Variants in NFATC3 observed in about 807,000 individuals in gnomAD.
The protein encoded by NFATC3 is nuclear factor of activated T cells 3.
NFATC3 carries 46 observed loss-of-function variants against 98.6 expected under a neutral mutation model. The ratio of observed to expected loss-of-function variants is 0.47; its 90% CI spans 0.37 to 0.60. The LOEUF is 0.60. Among genes scored for constraint, NFATC3 ranks in the 20% least tolerant of loss-of-function variants. The pLI is 0.00. For synonymous variants in NFATC3, 512 were observed against 472.2 expected (o/e 1.08, Z -1.09); for missense variants, 1,256 against 1,295.5 (o/e 0.97, Z 0.47).
At chr16:68,099,458 G>T (rs2035223875) in intron 1 of NFATC3, among the ~76,000 whole-genome samples, 1 of 151,568 alleles carries the variant, frequency 6.6e-6, no homozygotes, top group African/African-American at 2.4e-5. Flanking sequence ...TATATTAGCC[G>T]GGCATGGTGG....
chr16:68,191,778 A>G lies in NFATC3; in HGVS notation c.3106+3A>G. ...GCAGGACATCACTTTAGATGATGGT[A>G]AGTTCATCTCTGATATGTTCTTGAA... On this transcript the variant is annotated splice_donor_region_variant and intron_variant, in intron 9 of 9. Coordinates refer to ENST00000346183, the MANE Select transcript of NFATC3 (RefSeq NM_173165.3). 1 of 1,614,108 alleles carries G rather than the reference A, an allele frequency of 6.2e-7. No homozygotes were observed. The highest frequency in any genetic ancestry group is 8.5e-7 in the Non-Finnish European group (1 of 1,179,982).
chr16:68,160,693 AT>A (rs60641205), intron 4 of NFATC3, among the ~76,000 whole-genome samples: 6,092 of 147,422 alleles, frequency 0.041, 370 homozygotes, highest in African/African-American at 0.14. Flanking sequence ...CTACTCTTAA[AT>A]TTTTTTTTTT....
chr16:68,122,752 A>T lies in NFATC3; in HGVS notation c.869A>T (p.His290Leu). 1 of 1,614,148 alleles carries T rather than the reference A, an allele frequency of 6.2e-7. No individual in the cohort carries two copies. The highest frequency in any genetic ancestry group is 8.5e-7 in the Non-Finnish European group (1 of 1,180,018). The change falls in exon 2 of 10, where the codon CAT becomes CTT. Residue 290 changes from histidine to leucine, a missense_variant. This residue lies in a region of NFATC3 where 464 missense variants were observed against 465.7 expected (regional missense o/e 1.00). Coordinates refer to ENST00000346183, the MANE Select transcript of NFATC3 (RefSeq NM_173165.3). The part of the protein sequence containing the change: ...EVCYAGSLSP[H>L]HSPVPSPGHS... ...TGTTATGCTGGGTCCCTTTCACCCC[A>T]TCACTCACCTGTTCCTTCACCTGGT... is the stretch of plus-strand genomic sequence containing the variant.
At position 68,122,090 on chromosome 16, in the gene NFATC3, T is replaced by C. The variant is rs1378409613; in HGVS notation, c.207T>C (p.Ser69=). 1.9e-6 allele frequency: 3 copies of C among 1,614,120 alleles called. No homozygotes were observed. Among genetic ancestry groups the C allele is most frequent in the South Asian group, 1.1e-5 (1 of 91,082 alleles). ...PLCLPHHGLP[S]HSSVLSPSFQ... ...GCTTACCACATCATGGATTACCGTCTCACTCTTCTGTTTTGTCACCATCGT... is the reference window on the plus strand; with the variant it reads ...GCTTACCACATCATGGATTACCGTCCCACTCTTCTGTTTTGTCACCATCGT... The change falls in exon 2 of 10, where the codon TCT becomes TCC. Residue 69 remains serine (S), a synonymous_variant. Transcript: ENST00000346183.
chr16:68,123,901 C>A (rs942781369), intron 2 of NFATC3, among the ~76,000 whole-genome samples: 4 of 151,736 alleles, frequency 2.6e-5, no homozygotes, highest in Non-Finnish European at 5.9e-5. Flanking sequence ...GGGAGCATTG[C>A]CTGAGATGGG....
At chr16:68,186,018 A>G (rs974348955) in intron 8 of NFATC3, among the ~76,000 whole-genome samples, 1 of 152,200 alleles carries the variant, frequency 6.6e-6, no homozygotes, top group Non-Finnish European at 1.5e-5. Flanking sequence ...ATTGGGTTGC[A>G]CTGTAACTCA....
At chr16:68,108,257 G>A (rs2035768682) in intron 1 of NFATC3, among the ~76,000 whole-genome samples, 1 of 152,100 alleles carries the variant, frequency 6.6e-6, no homozygotes, top group Non-Finnish European at 1.5e-5. Context: ...TTTTGTATAA[G>A]GTGTAAGGAA....
At chr16:68,146,917 A>G (rs2038066965) in intron 3 of NFATC3, among the ~76,000 whole-genome samples, 1 of 152,260 alleles carries the variant, frequency 6.6e-6, no homozygotes, top group Non-Finnish European at 1.5e-5. Context: ...TTTATTGCCT[A>G]CAACATAAAT....
At chr16:68,134,893 C>A (rs554281433) in intron 3 of NFATC3, among the ~76,000 whole-genome samples, 1 of 152,184 alleles carries the variant, frequency 6.6e-6, no homozygotes, top group East Asian at 1.9e-4. Context: ...CAGTGTCTGC[C>A]ACTTGCATGT....
chr16:68,103,582 T>A (rs2035484549), intron 1 of NFATC3, among the ~76,000 whole-genome samples: 1 of 152,240 alleles, frequency 6.6e-6, no homozygotes, highest in Non-Finnish European at 1.5e-5. Flanking sequence ...TGAGTTCTTT[T>A]GTTGCTTGTG....
At chr16:68,190,458 G>A (rs2040387661) in intron 8 of NFATC3, among the ~76,000 whole-genome samples, 1 of 152,150 alleles carries the variant, frequency 6.6e-6, no homozygotes, top group Non-Finnish European at 1.5e-5. Flanking sequence ...AAAGTATATA[G>A]TAAAAAGTAA....
intron 3 of NFATC3, among the ~76,000 whole-genome samples, chr16:68,150,347 C>T (rs118143176): frequency 0.038 from 5,656 of 148,162 alleles, 117 homozygotes; most frequent in Middle Eastern, 0.15. Context: ...AAGGCCAAGG[C>T]AGGAGGATCA....
intron 1 of NFATC3, among the ~76,000 whole-genome samples, chr16:68,109,160 A>G (rs2035816657): frequency 6.6e-6 from 1 of 152,164 alleles, no homozygotes; most frequent in Non-Finnish European, 1.5e-5. Flanking sequence ...TCAATATTCA[A>G]GGGGAACACT....
At position 68,169,762 on chromosome 16, in the gene NFATC3, G is replaced by A. The variant is rs183698032; in HGVS notation, c.1774+2747G>A. 6.4e-3 allele frequency among the ~76,000 whole-genome samples: 968 copies of A among 152,070 alleles called. 11 individuals are homozygous for A. Among genetic ancestry groups the A allele is most frequent in the African/African-American group, 0.022 (913 of 41,496 alleles). ...TTGAGACCAGCCTGGCCAACATGGT[G>A]AAACCCTGTCTCTGCGAAAAATACA... On this transcript the variant is annotated intron_variant, in intron 5 of 9. Transcript: ENST00000346183.
At chr16:68,175,389 A>C (rs2039644047) in intron 6 of NFATC3, among the ~76,000 whole-genome samples, 1 of 152,222 alleles carries the variant, frequency 6.6e-6, no homozygotes. Context: ...CCCTCTGAGT[A>C]GTATACTTTA....
chr16:68,226,179 GC>G, intron 9 of NFATC3, 170 bp from the exon 10 acceptor site: 1 of 672,566 alleles, frequency 1.5e-6, no homozygotes, highest in Non-Finnish European at 2.3e-6. Context: ...AGTTTGTGGA[GC>G]GATGTTTCCA....
intron 9 of NFATC3, chr16:68,192,330 TATAGAGAG>T (rs1434646097): frequency 1.4e-5 from 2 of 141,382 alleles, no homozygotes; most frequent in Admixed American, 7.2e-5. Flanking sequence ...TATATATATA[TATAGAGAG>T]AGAGAGAGAG....
At chr16:68,118,457 C>T (rs1369458883) in intron 1 of NFATC3, among the ~76,000 whole-genome samples, 2 of 152,094 alleles carry the variant, frequency 1.3e-5, no homozygotes, top group Non-Finnish European at 2.9e-5. Flanking sequence ...TGAATGAGCA[C>T]CTTCTTCACT....
intron 5 of NFATC3, among the ~76,000 whole-genome samples, chr16:68,170,529 G>A (rs1394393919): frequency 2.1e-5 from 3 of 140,122 alleles, no homozygotes; most frequent in Non-Finnish European, 4.5e-5. Flanking sequence ...GTCTCCCTGT[G>A]TGGTCCAGGC....
Sources: allele counts gnomAD v4.1 joint callset (sites outside exome capture counted in the v4.1 genomes callset), GRCh38; gene constraint gnomAD v4.1.1; regional missense constraint gnomAD v4.1.1; transcripts MANE v1.5; gene names NCBI Gene and HGNC (gene_info 2026-07-23, HGNC 2026-07-21).